The following COL6A1 variants were observed in gnomAD, a reference collection of about 807,000 sequenced individuals.
The protein encoded by COL6A1 is collagen type VI alpha 1 chain, also known as collagen alpha-1(VI) chain.
COL6A1 carries 80 observed loss-of-function variants against 145.6 expected under a neutral mutation model. The observed-to-expected ratio is 0.55, with a 90% confidence interval of 0.46 to 0.66. The LOEUF (loss-of-function observed/expected upper bound fraction) is 0.66, where lower values mean the gene tolerates loss of function less well. COL6A1 is among the 30% of genes least tolerant of loss of function. COL6A1 has a pLI of 0.00. For synonymous variants in COL6A1, 638 were observed against 622.8 expected, an observed-to-expected ratio of 1.02 and a Z score of -0.36; for missense variants, 1,364 against 1,473.8, an observed-to-expected ratio of 0.93 and a Z score of 1.22.
At chr21:45,999,265 C>T (rs963508790) in intron 26 of COL6A1, 47 bp downstream of exon 26, 15 of 1,512,368 alleles carry the variant, frequency 9.9e-6, no homozygotes, top group African/African-American at 1.4e-5. Flanking sequence ...GTGCCTGGGA[C>T]GCCGGATGCT....
At position 46,003,577 on chromosome 21, in the gene COL6A1, A is replaced by G. The variant is rs1417484595; in HGVS notation, c.2651A>G (p.Gln884Arg). Residue 884 changes from glutamine to arginine, a missense_variant, in exon 35 of 35, where the codon CAG (glutamine) becomes CGG (arginine). Coordinates refer to ENST00000361866, the MANE Select transcript of COL6A1 (RefSeq NM_001848.3). ...GTGCAGTACAGCGGCACGGGCCAGC[A>G]GCGCCCAGAGCGGGCGTCGCTGCAG... ...AVVQYSGTGQQRPERASLQFL... is the reference protein window; with the variant it reads ...AVVQYSGTGQRRPERASLQFL... 6.2e-7 allele frequency: 1 copy of G among 1,612,584 alleles called. No individual in the cohort carries two copies. The highest frequency in any genetic ancestry group is 1.3e-5 in the African/African-American group (1 of 74,932).
intron 19 of COL6A1, among the ~76,000 whole-genome samples, chr21:45,993,657 ACCT>A (rs1436817035): frequency 1.3e-5 from 2 of 151,444 alleles, no homozygotes; most frequent in Admixed American, 6.6e-5. Context: ...GGGATTTCTG[ACCT>A]CCTCCCTGGG....
intron 24 of COL6A1, 134 bp from the exon 25 acceptor site, chr21:45,998,763 C>A: frequency 8.4e-7 from 1 of 1,183,696 alleles, no homozygotes; most frequent in Non-Finnish European, 1.2e-6. Context: ...GTTTCTCCAG[C>A]CCAGGAAATG....
At position 46,003,949 on chromosome 21, in the gene COL6A1, G is replaced by T; in HGVS notation, c.3023G>T (p.Ser1008Ile). 1 of 1,612,426 alleles carries T rather than the reference G, an allele frequency of 6.2e-7. No individual in the cohort carries two copies. ...GAGAGCCACCTGTTCCGTGTCCCCA[G>T]CTACCAGGCCCTGCTCCGCGGTGTC... ...YGESHLFRVP[S>I]YQALLRGVFH... The change falls in exon 35 of 35, where the codon AGC (serine) becomes ATC (isoleucine). Residue 1008 changes from serine (S) to isoleucine (I), a missense_variant. Around this residue, in one of 3 missense-constraint regions of COL6A1, gnomAD observed 938 missense variants for 1,003.8 expected, o/e 0.93. Transcript: ENST00000361866.
intron 13 of COL6A1, 90 bp from the exon 14 acceptor site, chr21:45,990,683 G>A: frequency 8.5e-7 from 1 of 1,178,870 alleles, no homozygotes; most frequent in Non-Finnish European, 1.3e-6. Context: ...GGAGGGTGTG[G>A]AGGGCATGGA....
At chr21:45,989,209 C>T (rs1306718957) in intron 9 of COL6A1, 72 bp downstream of exon 9, 20 of 1,488,160 alleles carry the variant, frequency 1.3e-5, no homozygotes, top group Admixed American at 4.1e-5. Flanking sequence ...CGGAAACTTC[C>T]GGAAGAGTGG....
intron 2 of COL6A1, 99 bp downstream of exon 2, chr21:45,982,862 C>A: frequency 6.5e-7 from 1 of 1,532,788 alleles, no homozygotes. Flanking sequence ...CCTCAACCTC[C>A]TAAGGTTGGG....
rs1464627939 is a variant in COL6A1, at chr21:45,984,413, G to A, written c.372G>A (p.Gly124=). 1 of 1,612,570 alleles carries A rather than the reference G, an allele frequency of 6.2e-7. No individual in the cohort carries two copies. The highest frequency in any genetic ancestry group is 1.7e-5 in the Admixed American group (1 of 60,028). ...GCGTGGACGCGGTCAAGTACTTTGG[G>A]AAGGGCACCTACACCGACTGCGCTA... The part of the protein sequence containing the change: ...KSSVDAVKYF[G]KGTYTDCAIK... Residue 124 remains glycine (G), a synonymous_variant, in exon 3 of 35, where the codon GGG becomes GGA. Transcript: ENST00000361866.
Position 45,999,197 on chromosome 21 carries a change from C to A in COL6A1, c.1719C>A (p.Tyr573Ter). The A allele has an allele frequency of 6.2e-7, 1 of 1,602,264 alleles. No individual in the cohort carries two copies. Among genetic ancestry groups the A allele is most frequent in the Non-Finnish European group, 8.5e-7 (1 of 1,175,526 alleles). Residue 573 changes from tyrosine to a stop codon, truncating the protein, a stop_gained, in exon 26 of 35, where the codon TAC becomes TAA. Transcript: ENST00000361866. LOFTEE classifies it high-confidence loss of function. ...APRGVKGAKG[Y>*]RGPEGPQGPP... ...GAGGAGTCAAAGGAGCAAAGGGGTA[C>A]CGGGGTCCCGAGGGCCCCCAGGTGG...
chr21:46,000,649 GA>G, intron 28 of COL6A1, 109 bp from the exon 29 acceptor site: 1 of 1,282,250 alleles, frequency 7.8e-7, no homozygotes, highest in African/African-American at 3.2e-5. Flanking sequence ...GGAGGCCGGG[GA>G]AGGAGGGCGG....
chr21:46,000,844 C>G, intron 29 of COL6A1, 77 bp downstream of exon 29: 1 of 1,557,558 alleles, frequency 6.4e-7, no homozygotes, highest in Non-Finnish European at 8.9e-7. Context: ...ACACATGTCA[C>G]AGGACAGCAC....
At chr21:46,000,398 G>A (rs1219686599) in intron 28 of COL6A1, 31 bp downstream of exon 28, 3 of 1,613,020 alleles carry the variant, frequency 1.9e-6, no homozygotes, top group East Asian at 4.5e-5. Flanking sequence ...GTCCTCGTTA[G>A]GGAGAGCAGG....
At chr21:46,002,787 G>A (rs1430116135) in intron 33 of COL6A1, 77 bp downstream of exon 33, 25 of 1,450,736 alleles carry the variant, frequency 1.7e-5, no homozygotes, top group South Asian at 2.4e-5. Context: ...CCAGATCTGC[G>A]TAGGTGCACG....
chr21:45,989,545 G>A, intron 9 of COL6A1, 63 bp from the exon 10 acceptor site: 1 of 1,539,406 alleles, frequency 6.5e-7, no homozygotes, highest in Non-Finnish European at 9.0e-7. Context: ...TGTGGGGCTG[G>A]GTGGGACTGG....
Position 46,004,181 on chromosome 21 carries a change from G to T in COL6A1, c.*168G>T. 1.1e-6 allele frequency: 1 copy of T among 932,538 alleles called. No individual in the cohort carries two copies. The highest frequency in any genetic ancestry group is 1.6e-6 in the Non-Finnish European group (1 of 627,068). The allele number at this position is 932,538 out of a possible 1,614,324, so 57.8% of individuals were successfully genotyped here. A position where few individuals can be genotyped will look rare whatever the true frequency, so the allele number is the denominator to read the frequency against. On this transcript the variant is annotated 3_prime_UTR_variant, in exon 35 of 35. Coordinates refer to ENST00000361866, the MANE Select transcript of COL6A1 (RefSeq NM_001848.3). ...AACGCTGCTGCCTGCTTTGTGCAGG[G>T]TCCTCCGGGGCTCAGCCCTGAGTTG...
At position 46,003,816 on chromosome 21, in the gene COL6A1, C is replaced by A. The variant is rs375007666; in HGVS notation, c.2890C>A (p.Arg964=). Residue 964 remains arginine (R), a synonymous_variant, in exon 35 of 35, where the codon CGG becomes AGG. Transcript: ENST00000361866. ...AIEKAVQEAQ[R]AGIEIFVVVV... ...CGAGAAGGCCGTGCAGGAAGCCCAG[C>A]GGGCAGGCATCGAGATCTTCGTGGT... 1.9e-6 allele frequency: 3 copies of A among 1,606,256 alleles called. No homozygotes were observed. The highest frequency in any genetic ancestry group is 1.7e-6 in the Non-Finnish European group (2 of 1,174,622).
In COL6A1 at chr21:45,998,926, G is replaced by A. The variant is rs1484648027; in HGVS notation, c.1641G>A (p.Gly547=). 2 of 1,556,466 alleles carry A rather than the reference G, an allele frequency of 1.3e-6. No individual in the cohort carries two copies. The highest frequency in any genetic ancestry group is 2.4e-5 in the East Asian group (1 of 42,172). Reference sequence around the variant, plus strand: ...CGAAGGGCTACCCCGGCCTCAAGGGGGACGAGGGAGAAGCCGGGGACCCCG... The same window carrying A: ...CGAAGGGCTACCCCGGCCTCAAGGGAGACGAGGGAGAAGCCGGGGACCCCG... The part of the protein sequence containing the change: ...NGTKGYPGLK[G]DEGEAGDPGD... The change falls in exon 25 of 35, where the codon GGG becomes GGA. Residue 547 remains glycine (G), a synonymous_variant. Coordinates refer to ENST00000361866, the MANE Select transcript of COL6A1 (RefSeq NM_001848.3).
Position 45,992,777 on chromosome 21 carries a change from G to C in COL6A1, c.1302G>C (p.Gly434=). 1 of 1,601,728 alleles carries C rather than the reference G, an allele frequency of 6.2e-7. No homozygotes were observed. Reference sequence around the variant, plus strand: ...GCCCTGGAGAGAGAGGACCACGGGGGACCCCAGGCACGCGGGGACCAAGAG... The same window carrying C: ...GCCCTGGAGAGAGAGGACCACGGGGCACCCCAGGCACGCGGGGACCAAGAG... ...RGGPGERGPR[G]TPGTRGPRGD... Residue 434 remains glycine, a synonymous_variant, in exon 19 of 35, where the codon GGG becomes GGC. Transcript: ENST00000361866.
chr21:46,001,360 C>T lies in COL6A1; in HGVS notation c.1930C>T (p.Arg644Trp), dbSNP rs146622557. The T allele has an allele frequency of 3.3e-5, 53 of 1,612,054 alleles. No individual in the cohort carries two copies. In the African/African-American group the frequency reaches 4.4e-4, roughly 13 times the overall value. ...AKDFVVKVID[R>W]LSRDELVKFE... ...GGACTTCGTCGTCAAGGTCATCGAC[C>T]GGCTGAGCCGGGACGAGCTGGTCAA... The change falls in exon 30 of 35, where the codon CGG (arginine) becomes TGG (tryptophan). Residue 644 changes from arginine to tryptophan, a missense_variant. Arg to Trp is a moderately radical substitution (Grantham distance 101). Around this residue, in one of 3 missense-constraint regions of COL6A1, gnomAD observed 938 missense variants for 1,003.8 expected, o/e 0.93. Coordinates refer to ENST00000361866, the MANE Select transcript of COL6A1 (RefSeq NM_001848.3).
Sources: allele counts gnomAD v4.1 joint callset (sites outside exome capture counted in the v4.1 genomes callset), GRCh38; gene constraint gnomAD v4.1.1; regional missense constraint gnomAD v4.1.1; transcripts MANE v1.5; gene names NCBI Gene and HGNC (gene_info 2026-07-23, HGNC 2026-07-21).